Variants in ZNF592 observed in about 807,000 individuals in gnomAD.
ZNF592 encodes the protein spinocerebellar ataxia, autosomal recessive 5.
In ZNF592, 11 loss-of-function variants were observed where a neutral mutation model predicts 80.3. The observed-to-expected ratio is 0.14, with a 90% CI of 0.09 to 0.23. ZNF592 has a LOEUF of 0.23. Among genes scored for constraint, ZNF592 ranks in the 10% least tolerant of loss-of-function variants. The probability of loss-of-function intolerance (pLI) is 1.00; values close to 1 mark genes in which losing one functional copy is unlikely to be tolerated. For missense variants in ZNF592, 1,420 were observed against 1,633.9 expected (o/e 0.87, Z 2.26); for synonymous variants, 646 against 640.3 (o/e 1.01, Z -0.13).
chr15:84,755,445 AG>A (rs1899143269), intron 1 of ZNF592, among the ~76,000 whole-genome samples: 1 of 151,842 alleles, frequency 6.6e-6, no homozygotes, highest in Non-Finnish European at 1.5e-5. Context: ...AACTTTTTTG[AG>A]TAGTCCAGAG....
At chr15:84,765,546 T>TTG (rs1555429236) in intron 2 of ZNF592, among the ~76,000 whole-genome samples, 27 of 142,698 alleles carry the variant, frequency 1.9e-4, no homozygotes, top group African/African-American at 6.6e-4. Context: ...TTTTTTTTTT[T>TTG]TTTTTTTTTT....
chr15:84,775,306 G>A (rs1417789857), intron 2 of ZNF592, among the ~76,000 whole-genome samples: 1 of 152,082 alleles, frequency 6.6e-6, no homozygotes, highest in Non-Finnish European at 1.5e-5. Flanking sequence ...GTGTTGGCCA[G>A]GCTAGTGTCG....
At chr15:84,792,601 C>T (rs1567074522) in intron 5 of ZNF592, among the ~76,000 whole-genome samples, 3 of 152,150 alleles carry the variant, frequency 2.0e-5, no homozygotes. Flanking sequence ...CAGGCATGCA[C>T]TGCCATGCCT....
Position 84,783,734 on chromosome 15 carries a change from C to T in ZNF592, c.1059C>T (p.Cys353=), listed in dbSNP as rs759963210. The T allele has an allele frequency of 1.9e-6, 3 of 1,614,136 alleles. No individual in the cohort carries two copies. The highest frequency in any genetic ancestry group is 1.7e-5 in the Admixed American group (1 of 60,016). Residue 353 remains cysteine (C), a synonymous_variant, in exon 4 of 11, where the codon TGC becomes TGT. Transcript: ENST00000560079. This position sits in a 1 kb window ranked among gnomAD's most constrained non-coding sequence, Gnocchi z 5.0. ...CATCGGACAGCCCTCGTAGCATCTGCAGTGACAGCAGCAGCAAAGGCTCAC... is the reference window on the plus strand; with the variant it reads ...CATCGGACAGCCCTCGTAGCATCTGTAGTGACAGCAGCAGCAAAGGCTCAC... ...IKPSDSPRSI[C]SDSSSKGSPS...
intron 1 of ZNF592, among the ~76,000 whole-genome samples, chr15:84,762,522 G>A (rs899071935): frequency 6.6e-6 from 1 of 152,184 alleles, no homozygotes; most frequent in African/African-American, 2.4e-5. Context: ...CGGATTTTGG[G>A]GATCCTATGG....
chr15:84,764,117 C>T (rs541015768), intron 1 of ZNF592, among the ~76,000 whole-genome samples: 36 of 152,348 alleles, frequency 2.4e-4, no homozygotes, highest in Non-Finnish European at 5.0e-4. Flanking sequence ...CCCTGCTTGG[C>T]CCTCTGCTTC....
Position 84,795,896 on chromosome 15 carries a change from C to G in ZNF592, c.2400-1973C>G, listed in dbSNP as rs151075339. Among the ~76,000 whole-genome samples the G allele has an allele frequency of 9.3e-3, 1,413 of 151,930 alleles. 9 individuals carry two copies. Among genetic ancestry groups the G allele is most frequent in the Non-Finnish European group, 0.012 (843 of 67,964 alleles). On this transcript the variant is annotated intron_variant, in intron 5 of 10. Transcript: ENST00000560079. ...CTCTACCCCTCCCTTCCAATACACA[C>G]AAGGAAGAAAAAAGATTGTTCAGGA...
chr15:84,786,577 A>G (rs956634765), intron 4 of ZNF592, among the ~76,000 whole-genome samples: 11 of 152,130 alleles, frequency 7.2e-5, no homozygotes, highest in African/African-American at 2.7e-4. Context: ...CAGCCCCCCA[A>G]AGGGGCCAGA....
chr15:84,795,072 TTATATAA>T (rs542936544), intron 5 of ZNF592, among the ~76,000 whole-genome samples: 26 of 150,252 alleles, frequency 1.7e-4, no homozygotes, highest in Admixed American at 3.3e-4. Flanking sequence ...ATATGGTTAT[TTATATAA>T]TATATAAGTA....
At chr15:84,787,232 C>T (rs1962615400) in intron 4 of ZNF592, among the ~76,000 whole-genome samples, 1 of 152,134 alleles carries the variant, frequency 6.6e-6, no homozygotes, top group African/African-American at 2.4e-5. Flanking sequence ...TCTCATCTTA[C>T]ATCCTCTCTG....
At chr15:84,761,912 C>CTAGAAA (rs1899363235) in intron 1 of ZNF592, among the ~76,000 whole-genome samples, 1 of 152,184 alleles carries the variant, frequency 6.6e-6, no homozygotes. Context: ...GATTAATTGT[C>CTAGAAA]TAGAAATACT....
chr15:84,801,971 A>C lies in ZNF592; in HGVS notation c.3382A>C (p.Lys1128Gln). Residue 1128 changes from lysine to glutamine, a missense_variant, in exon 11 of 11, where the codon AAA becomes CAA. By Grantham distance (53) the Lys-to-Gln change is moderately conservative (BLOSUM62 1). Coordinates refer to ENST00000560079, the MANE Select transcript of ZNF592 (RefSeq NM_014630.3). ...GCACAAGTCCCTTTTTCAGTGCGCG[A>C]AATGTAGTTTTGCCACAGACTCGGG... is the stretch of plus-strand genomic sequence containing the variant. ...KRHKSLFQCA[K>Q]CSFATDSGLE... The C allele has an allele frequency of 6.2e-7, 1 of 1,613,976 alleles. No homozygotes were observed. The highest frequency in any genetic ancestry group is 8.5e-7 in the Non-Finnish European group (1 of 1,179,872).
chr15:84,765,614 C>G (rs750077117), intron 2 of ZNF592, among the ~76,000 whole-genome samples: 16 of 139,766 alleles, frequency 1.1e-4, no homozygotes, highest in Admixed American at 1.5e-4. Flanking sequence ...TCTTGGCTCA[C>G]TGAAACCTCC....
chr15:84,796,351 T>C (rs1313115104), intron 5 of ZNF592, among the ~76,000 whole-genome samples: 1 of 148,684 alleles, frequency 6.7e-6, no homozygotes, highest in Non-Finnish European at 1.5e-5. Context: ...AGGCACGCCT[T>C]TTATTTTAGC....
At chr15:84,778,560 G>A (rs1962330280) in intron 3 of ZNF592, among the ~76,000 whole-genome samples, 1 of 152,204 alleles carries the variant, frequency 6.6e-6, no homozygotes, top group Non-Finnish European at 1.5e-5. Flanking sequence ...GGTGGACCCA[G>A]TTTCTAATGG....
chr15:84,753,821 A>G lies in ZNF592; in HGVS notation c.-259+5157A>G, dbSNP rs115142618. Among the ~76,000 whole-genome samples the G allele has an allele frequency of 4.3e-3, 655 of 152,326 alleles. 4 individuals are homozygous for G. Among genetic ancestry groups the G allele is most frequent in the African/African-American group, 0.015 (629 of 41,574 alleles). On this transcript the variant is annotated intron_variant, in intron 1 of 10. Coordinates refer to ENST00000560079, the MANE Select transcript of ZNF592 (RefSeq NM_014630.3). ...TTTGTTTAAACTTTTCTTAAAAAAT[A>G]GGAACATCCTGAATAGGAGAGAGTT...
rs1567069624 is a variant in ZNF592, at chr15:84,783,508, A to G, written c.833A>G (p.His278Arg). The G allele has an allele frequency of 3.7e-6, 6 of 1,614,230 alleles. No homozygotes were observed. Among genetic ancestry groups the G allele is most frequent in the Non-Finnish European group, 5.1e-6 (6 of 1,180,034 alleles). The change falls in exon 4 of 11, where the codon CAT becomes CGT. Residue 278 changes from histidine (H) to arginine (R), a missense_variant. Physicochemically the swap from His to Arg is conservative, Grantham distance 29. This residue lies in a region of ZNF592 where 373 missense variants were observed against 355.5 expected (regional missense o/e 1.05). Coordinates refer to ENST00000560079, the MANE Select transcript of ZNF592 (RefSeq NM_014630.3). The surrounding 1 kb of genome is among the most constrained non-coding windows in gnomAD (Gnocchi z 5.0). The stretch of plus-strand genomic sequence containing the variant: ...CCTAGGCAGCGTCTAAAGCCAGCTC[A>G]TTCCAAGCTGTCCTCTTGTGTGGCA... ...VPPRQRLKPA[H>R]SKLSSCVAAL...
intron 2 of ZNF592, among the ~76,000 whole-genome samples, chr15:84,777,139 C>T (rs7183448): frequency 0.84 from 128,012 of 151,770 alleles, 54,432 homozygotes; most frequent in African/African-American, 0.96. Flanking sequence ...TATTTTTTTT[C>T]CTTTTTGTAT....
chr15:84,788,662 C>T (rs541514244), intron 4 of ZNF592, among the ~76,000 whole-genome samples: 6 of 152,152 alleles, frequency 3.9e-5, no homozygotes, highest in Non-Finnish European at 7.3e-5. Context: ...GTTGTGAAAC[C>T]AGTCTCCAGA....
Sources: gnomAD v4.1 joint callset for allele counts (sites outside exome capture counted in the v4.1 genomes callset) on GRCh38, gnomAD v4.1.1 for gene constraint, gnomAD v4.1.1 regional missense constraint, Gnocchi (gnomAD v3.1) non-coding constraint, MANE v1.5 for transcripts, NCBI Gene and HGNC (gene_info 2026-07-23, HGNC 2026-07-21) for gene names.